RABGAP1L: variants seen among roughly 807,000 people sequenced by gnomAD.
RABGAP1L encodes rab GTPase-activating protein 1-like.
Under a neutral mutation model 137.7 loss-of-function variants are expected in RABGAP1L, and 63 were observed. The observed-to-expected ratio is 0.46, with a 90% CI of 0.37 to 0.56. RABGAP1L has a LOEUF of 0.56. Among genes scored for constraint, RABGAP1L ranks in the 20% least tolerant of loss-of-function variants. The pLI is 0.00. For synonymous variants in RABGAP1L, 431 were observed against 433.7 expected (o/e 0.99, Z 0.08); for missense variants, 1,095 against 1,244.0 (o/e 0.88, Z 1.80).
At chr1:174,297,765 A>C (rs1677262455) in intron 10 of RABGAP1L, among the ~76,000 whole-genome samples, 1 of 152,186 alleles carries the variant, frequency 6.6e-6, no homozygotes, top group African/African-American at 2.4e-5. Context: ...AAGAATAGAC[A>C]AACCGGGTTA....
chr1:174,796,736 C>T (rs1013060202), intron 18 of RABGAP1L, among the ~76,000 whole-genome samples: 10 of 152,050 alleles, frequency 6.6e-5, no homozygotes, highest in East Asian at 1.9e-4. Flanking sequence ...TTGCTGGGCA[C>T]GGTGGCTCAC....
At chr1:174,847,429 A>T (rs1694194003) in intron 19 of RABGAP1L, among the ~76,000 whole-genome samples, 1 of 151,134 alleles carries the variant, frequency 6.6e-6, no homozygotes, top group African/African-American at 2.4e-5. Context: ...CCTGGTGGTG[A>T]CAAAATCTCT....
chr1:174,275,312 T>C (rs1674897756), intron 8 of RABGAP1L: 1 of 152,234 alleles, frequency 6.6e-6, no homozygotes, highest in South Asian at 2.1e-4. Context: ...ATATAGAAAA[T>C]AGACAAGTGT....
chr1:174,606,804 A>G (rs545931310), intron 13 of RABGAP1L, among the ~76,000 whole-genome samples: 8 of 152,276 alleles, frequency 5.3e-5, no homozygotes, highest in African/African-American at 1.9e-4. Flanking sequence ...GATTTTTCTG[A>G]TTCTATTCAT....
At chr1:174,791,782 G>T (rs1226739206) in intron 18 of RABGAP1L, among the ~76,000 whole-genome samples, 1 of 152,174 alleles carries the variant, frequency 6.6e-6, no homozygotes, top group African/African-American at 2.4e-5. Context: ...CAAGGATGTA[G>T]CTCCTTGAAC....
At chr1:174,423,021 A>G (rs957956710) in intron 13 of RABGAP1L, among the ~76,000 whole-genome samples, 23 of 151,914 alleles carry the variant, frequency 1.5e-4, no homozygotes, top group African/African-American at 4.3e-4. Context: ...TTTTTAGCAC[A>G]CTTTTTTCCC....
chr1:174,541,117 T>G (rs931576934), intron 13 of RABGAP1L, among the ~76,000 whole-genome samples: 15 of 152,218 alleles, frequency 9.9e-5, no homozygotes, highest in African/African-American at 3.6e-4. Flanking sequence ...AGAGGAATGC[T>G]TGTGATTTTT....
intron 11 of RABGAP1L, among the ~76,000 whole-genome samples, chr1:174,341,249 T>A (rs1681947037): frequency 6.6e-6 from 1 of 152,210 alleles, no homozygotes; most frequent in Non-Finnish European, 1.5e-5. Flanking sequence ...TTTTCTAACT[T>A]CAGTGTGATA....
At chr1:174,597,430 G>T (rs553739151) in intron 13 of RABGAP1L, among the ~76,000 whole-genome samples, 2 of 151,982 alleles carry the variant, frequency 1.3e-5, no homozygotes, top group Admixed American at 1.3e-4. Flanking sequence ...TTTTTTCCTG[G>T]TTCAATCTTG....
In RABGAP1L at chr1:174,618,258, C is replaced by G. The variant is rs187754728; in HGVS notation, c.1711-19117C>G. 1.5e-3 allele frequency among the ~76,000 whole-genome samples: 225 copies of G among 152,322 alleles called. 2 individuals are homozygous for G. The highest frequency in any genetic ancestry group is 0.014 in the Admixed American group (209 of 15,310). On this transcript the variant is annotated intron_variant, in intron 13 of 25. Coordinates refer to ENST00000681986, the MANE Select transcript of RABGAP1L (RefSeq NM_001366446.1). Reference sequence around the variant, plus strand: ...AAAAGGCAGCAGATTCCTCAGCAGACTTAAATGTCCCTGTCTGACCGCTTT... The same window carrying G: ...AAAAGGCAGCAGATTCCTCAGCAGAGTTAAATGTCCCTGTCTGACCGCTTT...
chr1:174,255,912 T>G (rs905849479), intron 7 of RABGAP1L, among the ~76,000 whole-genome samples: 11 of 152,236 alleles, frequency 7.2e-5, no homozygotes, highest in African/African-American at 2.7e-4. Context: ...AAATACATCG[T>G]GGCCCTTTCC....
At chr1:174,412,583 T>G (rs1650064031) in intron 13 of RABGAP1L, among the ~76,000 whole-genome samples, 1 of 152,148 alleles carries the variant, frequency 6.6e-6, no homozygotes, top group African/African-American at 2.4e-5. Flanking sequence ...AGTGTGTTTT[T>G]GGGTAGAGGA....
intron 13 of RABGAP1L, among the ~76,000 whole-genome samples, chr1:174,523,795 C>T (rs1264201637): frequency 6.6e-6 from 1 of 152,122 alleles, no homozygotes; most frequent in Non-Finnish European, 1.5e-5. Flanking sequence ...CTCCCACCAT[C>T]ACGCTCTTCC....
At chr1:174,371,696 C>G (rs181196996) in intron 12 of RABGAP1L, among the ~76,000 whole-genome samples, 1 of 152,056 alleles carries the variant, frequency 6.6e-6, no homozygotes, top group Non-Finnish European at 1.5e-5. Context: ...CAACAAAATA[C>G]TTCCCCATAT....
At chr1:174,826,636 C>T (rs1347518656) in intron 19 of RABGAP1L, among the ~76,000 whole-genome samples, 1 of 152,128 alleles carries the variant, frequency 6.6e-6, no homozygotes, top group African/African-American at 2.4e-5. Context: ...TTTGGTAGAA[C>T]AATTTATTTT....
At chr1:174,380,369 G>C (rs984824137) in intron 12 of RABGAP1L, among the ~76,000 whole-genome samples, 1 of 151,824 alleles carries the variant, frequency 6.6e-6, no homozygotes, top group East Asian at 1.9e-4. Flanking sequence ...AATGGTACCG[G>C]TTCCTCCTTG....
At chr1:174,408,148 G>A (rs1189344320) in intron 13 of RABGAP1L, among the ~76,000 whole-genome samples, 1 of 152,054 alleles carries the variant, frequency 6.6e-6, no homozygotes, top group Non-Finnish European at 1.5e-5. Flanking sequence ...CTGAAGTTTT[G>A]GGTGTGAATG....
rs185588617 is a variant in RABGAP1L at position 174,489,743 on chromosome 1, G to A, written c.1710+95598G>A. On this transcript the variant is annotated intron_variant, in intron 13 of 25. Transcript: ENST00000681986. Reference sequence around the variant, plus strand: ...ACACGTGCACACGTATGTTTATTGCGCCACTATTCACAATAGCAAAGACTT... The same window carrying A: ...ACACGTGCACACGTATGTTTATTGCACCACTATTCACAATAGCAAAGACTT... Among the ~76,000 whole-genome samples the A allele has an allele frequency of 3.7e-3, 564 of 152,166 alleles. 3 individuals carry two copies. Among genetic ancestry groups the A allele is most frequent in the Non-Finnish European group, 5.8e-3 (394 of 68,002 alleles).
Position 174,422,945 on chromosome 1 carries a change from CAAAAAAA to C in RABGAP1L, c.1710+28816_1710+28822del, listed in dbSNP as rs202100563. ...CTGGGTGATAGAGTGAGATTCTGTC[CAAAAAAA>C]AAAAAAAAAAAAAAATTTTTTTTGA... On this transcript the variant is annotated intron_variant, in intron 13 of 25. Coordinates refer to ENST00000681986, the MANE Select transcript of RABGAP1L (RefSeq NM_001366446.1). Among the ~76,000 whole-genome samples the C allele has an allele frequency of 6.0e-4, 48 of 79,672 alleles. No individual in the cohort carries two copies. The East Asian group carries it at 8.1e-3, about 13-fold the overall frequency. The allele number at this position is 79,672 out of a possible 152,430, so 52.3% of individuals were successfully genotyped here.
Sources: allele counts gnomAD v4.1 joint callset (sites outside exome capture counted in the v4.1 genomes callset), GRCh38; gene constraint gnomAD v4.1.1; transcripts MANE v1.5; gene names NCBI Gene and HGNC (gene_info 2026-07-23, HGNC 2026-07-21).